SEC22A: variants seen among roughly 807,000 people sequenced by gnomAD.
The protein encoded by SEC22A is SEC22 homolog A, vesicle trafficking protein.
Under a neutral mutation model 35.3 loss-of-function variants are expected in SEC22A, and 22 were observed. The ratio of observed to expected loss-of-function variants is 0.62; its 90% CI spans 0.45 to 0.89. The LOEUF is 0.89. SEC22A is among the 40% of genes least tolerant of loss of function. The pLI is 0.00. For synonymous variants in SEC22A, 119 were observed against 129.5 expected (o/e 0.92, Z 0.55); for missense variants, 354 against 362.5 (o/e 0.98, Z 0.19).
chr3:123,235,074 T>C (rs1045968037), intron 4 of SEC22A, among the ~76,000 whole-genome samples: 1 of 152,108 alleles, frequency 6.6e-6, no homozygotes, highest in Non-Finnish European at 1.5e-5. Flanking sequence ...AAAAACTTTT[T>C]TGGAGACAAG....
At chr3:123,213,119 A>G (rs1354167641) in intron 2 of SEC22A, among the ~76,000 whole-genome samples, 7 of 152,198 alleles carry the variant, frequency 4.6e-5, no homozygotes, top group Non-Finnish European at 8.8e-5. Flanking sequence ...ATGTCTATGC[A>G]TGTTTTTTTG....
intron 2 of SEC22A, among the ~76,000 whole-genome samples, chr3:123,217,191 C>A (rs1256453801): frequency 6.7e-6 from 1 of 148,930 alleles, no homozygotes; most frequent in Non-Finnish European, 1.5e-5. Flanking sequence ...GTGGAAGGCT[C>A]TATTCCAAAA....
chr3:123,228,671 A>G (rs1937259707), intron 4 of SEC22A, among the ~76,000 whole-genome samples: 1 of 151,976 alleles, frequency 6.6e-6, no homozygotes, highest in Non-Finnish European at 1.5e-5. Flanking sequence ...TGCCTCTGAG[A>G]GCAATCAGCT....
chr3:123,232,799 G>A (rs1937345557), intron 4 of SEC22A, among the ~76,000 whole-genome samples: 1 of 152,056 alleles, frequency 6.6e-6, no homozygotes, highest in South Asian at 2.1e-4. Flanking sequence ...GGACACAAAA[G>A]TCCTCAGCAA....
Position 123,209,336 on chromosome 3 carries a change from T to A in SEC22A, c.119T>A (p.Leu40His). Residue 40 changes from leucine to histidine, a missense_variant, in exon 2 of 7, where the codon CTT becomes CAT. Physicochemically the swap from Leu to His is moderately conservative, Grantham distance 99 (BLOSUM62 -3). Coordinates refer to ENST00000492595, the MANE Select transcript of SEC22A (RefSeq NM_012430.5). ...GAGTGCAGAAAGTATTTTAAAATGCTTTCGAGGAAACTTGCTCAACTTCCT... is the reference window on the plus strand; with the variant it reads ...GAGTGCAGAAAGTATTTTAAAATGCATTCGAGGAAACTTGCTCAACTTCCT... ...MQECRKYFKM[L>H]SRKLAQLPDR... 6.2e-7 allele frequency: 1 copy of A among 1,614,104 alleles called. No individual in the cohort carries two copies. Among genetic ancestry groups the A allele is most frequent in the Non-Finnish European group, 8.5e-7 (1 of 1,179,970 alleles).
intron 6 of SEC22A, among the ~76,000 whole-genome samples, chr3:123,266,559 T>C (rs961836704): frequency 6.6e-6 from 1 of 152,188 alleles, no homozygotes; most frequent in African/African-American, 2.4e-5. Flanking sequence ...TAGAATTGCA[T>C]CGTTTCACTT....
At chr3:123,252,626 T>C (rs1402957753) in intron 5 of SEC22A, among the ~76,000 whole-genome samples, 1 of 152,260 alleles carries the variant, frequency 6.6e-6, no homozygotes, top group Non-Finnish European at 1.5e-5. Flanking sequence ...TTCTGAATGC[T>C]GAAAATGACT....
chr3:123,263,544 T>C (rs1176138220), intron 6 of SEC22A, among the ~76,000 whole-genome samples: 1 of 152,106 alleles, frequency 6.6e-6, no homozygotes, highest in Non-Finnish European at 1.5e-5. Flanking sequence ...TGGGACGGAG[T>C]CTTGCTCTGT....
In SEC22A at chr3:123,273,917, A is replaced by C. The variant is rs1938234308; in HGVS notation, c.*2195A>C. The C allele has an allele frequency of 1.3e-5, 2 of 152,228 alleles. No homozygotes were observed. The highest frequency in any genetic ancestry group is 2.9e-5 in the Non-Finnish European group (2 of 68,046). 9.4% of individuals were successfully genotyped at this position (152,228 alleles called of 1,614,324 possible). On this transcript the variant is annotated 3_prime_UTR_variant, in exon 7 of 7. Coordinates refer to ENST00000492595, the MANE Select transcript of SEC22A (RefSeq NM_012430.5). ...GCTCTGTATTGACACAGCTCGCACC[A>C]GTTTGGTTCAGGAGCTACCTCCTTG...
intron 2 of SEC22A, among the ~76,000 whole-genome samples, chr3:123,222,344 A>T (rs1233824322): frequency 6.6e-6 from 1 of 151,934 alleles, no homozygotes. Context: ...GATTACAGGC[A>T]TGCACCACCA....
intron 6 of SEC22A, among the ~76,000 whole-genome samples, chr3:123,267,175 G>T (rs1938045862): frequency 6.6e-6 from 1 of 151,878 alleles, no homozygotes; most frequent in African/African-American, 2.4e-5. Flanking sequence ...ACAGCATGGG[G>T]TTGATTCATG....
intron 5 of SEC22A, among the ~76,000 whole-genome samples, chr3:123,249,299 G>T (rs1355872334): frequency 1.3e-5 from 2 of 151,970 alleles, no homozygotes; most frequent in East Asian, 3.9e-4. Context: ...ATGTAGGCAT[G>T]ATTGATTATT....
chr3:123,241,679 TC>T (rs979616354), intron 4 of SEC22A, among the ~76,000 whole-genome samples: 10 of 152,210 alleles, frequency 6.6e-5, no homozygotes, highest in Non-Finnish European at 1.3e-4. Flanking sequence ...CCTGTTTTTC[TC>T]TCCTTTAACT....
At position 123,223,064 on chromosome 3, in the gene SEC22A, A is replaced by T. The variant is rs557091141; in HGVS notation, c.183-495A>T. Among the ~76,000 whole-genome samples the T allele has an allele frequency of 1.1e-4, 16 of 152,314 alleles. No individual in the cohort carries two copies. In the South Asian group the frequency reaches 2.9e-3, roughly 28 times the overall value. On this transcript the variant is annotated intron_variant, in intron 2 of 6. Transcript: ENST00000492595. ...CATGGTTCATAATTAATTACTGTGT[A>T]AAGTAGAGGATTTGATTCTGGGGTG...
At chr3:123,224,993 A>G (rs1576489122) in intron 3 of SEC22A, 110 bp from the exon 4 acceptor site, 1 of 704,526 alleles carries the variant, frequency 1.4e-6, no homozygotes, top group East Asian at 2.6e-5. Context: ...GACGAATTGA[A>G]CAATTTTGAA....
At chr3:123,202,388 G>A (rs1178475441) in intron 1 of SEC22A, among the ~76,000 whole-genome samples, 1 of 152,218 alleles carries the variant, frequency 6.6e-6, no homozygotes, top group East Asian at 1.9e-4. Context: ...TACCTGTGTA[G>A]GTGGCCCATG....
chr3:123,265,566 C>T (rs1310731118), intron 6 of SEC22A, among the ~76,000 whole-genome samples: 1 of 150,672 alleles, frequency 6.6e-6, no homozygotes, highest in East Asian at 1.9e-4. Flanking sequence ...TGATAAAGTT[C>T]AGTTTATCAA....
In SEC22A at chr3:123,209,286, T is replaced by TTA; in HGVS notation, c.71_72dup (p.Glu25MetfsTer30). 6.2e-7 allele frequency: 1 copy of TTA among 1,614,126 alleles called. No individual in the cohort carries two copies. ...GACTGCCACTTTCTGCTTCTACTGA[T>TTA]TATGAACAAAGCACAGGAATGCAGG... On this transcript the variant is annotated frameshift_variant, in exon 2 of 7. Coordinates refer to ENST00000492595, the MANE Select transcript of SEC22A (RefSeq NM_012430.5). LOFTEE classifies it high-confidence loss of function.
intron 4 of SEC22A, among the ~76,000 whole-genome samples, chr3:123,229,090 A>C (rs1266569811): frequency 6.6e-6 from 1 of 152,178 alleles, no homozygotes; most frequent in Non-Finnish European, 1.5e-5. Flanking sequence ...AATGGCTGAA[A>C]AGTTCCCAGA....
Sources: gnomAD v4.1 joint callset for allele counts (sites outside exome capture counted in the v4.1 genomes callset) on GRCh38, gnomAD v4.1.1 for gene constraint, MANE v1.5 for transcripts, NCBI Gene and HGNC (gene_info 2026-07-23, HGNC 2026-07-21) for gene names.